The following MAPK10 variants were observed in gnomAD, a reference collection of about 807,000 sequenced individuals.
The protein encoded by MAPK10 is mitogen-activated protein kinase 10.
A neutral mutation model predicts 59.3 loss-of-function variants in MAPK10; 25 were observed. The ratio of observed to expected loss-of-function variants is 0.42; its 90% confidence interval spans 0.31 to 0.59. The LOEUF is 0.59. Ranked by LOEUF, MAPK10 falls within the 20% of genes least tolerant of loss-of-function variation. The pLI is 0.15. For synonymous variants in MAPK10, 190 were observed against 200.5 expected (o/e 0.95, Z 0.44); for missense variants, 351 against 568.9 (o/e 0.62, Z 3.90).
intron 1 of MAPK10, among the ~76,000 whole-genome samples, chr4:86,433,426 A>G (rs1281673823): frequency 6.6e-6 from 1 of 152,104 alleles, no homozygotes; most frequent in Admixed American, 6.6e-5. Flanking sequence ...GGTGCAATTA[A>G]TACTCTAGAA....
chr4:86,163,849 G>T (rs964566734), intron 3 of MAPK10, among the ~76,000 whole-genome samples: 1 of 152,114 alleles, frequency 6.6e-6, no homozygotes, highest in African/African-American at 2.4e-5. Context: ...TGTCATAAAA[G>T]ACTCTCCTTG....
chr4:86,346,723 A>G (rs1728423316), intron 2 of MAPK10, among the ~76,000 whole-genome samples: 1 of 110,068 alleles, frequency 9.1e-6, no homozygotes, highest in African/African-American at 3.1e-5. Context: ...TTTTAACCCA[A>G]GTTTGTTTGG....
Position 86,438,191 on chromosome 4 carries a change from T to C in MAPK10, c.-122+14839A>G, listed in dbSNP as rs1434779059. Among the ~76,000 whole-genome samples, 6 of 152,320 alleles carry C rather than the reference T, an allele frequency of 3.9e-5. No individual in the cohort carries two copies. In the East Asian group the frequency reaches 1.2e-3, roughly 29 times the overall value. On this transcript the variant is annotated intron_variant, in intron 1 of 13. Transcript: ENST00000361569. ...GGGTGGCAATTTCGCTTACTGAAAA[T>C]TTATACAGCCATGTGCTTACATTTA...
intron 2 of MAPK10, among the ~76,000 whole-genome samples, chr4:86,195,990 G>T (rs1295889132): frequency 6.6e-6 from 1 of 152,124 alleles, no homozygotes; most frequent in Non-Finnish European, 1.5e-5. Flanking sequence ...TGGGTTGGTT[G>T]CAAGTCTTTG....
At chr4:86,022,739 C>T (rs12642872) in intron 13 of MAPK10, among the ~76,000 whole-genome samples, 4,746 of 152,200 alleles carry the variant, frequency 0.031, 210 homozygotes, top group East Asian at 0.1. Context: ...AAACTCCTGG[C>T]CTCAAGTGAT....
rs900526307 is a variant in MAPK10, at chr4:86,010,759, G to C, written c.*6469C>G. 3 of 152,166 alleles carry C rather than the reference G, an allele frequency of 2.0e-5. No individual in the cohort carries two copies. The highest frequency in any genetic ancestry group is 2.9e-5 in the Non-Finnish European group (2 of 68,036). 9.4% of individuals were successfully genotyped at this position (152,166 alleles called of 1,614,324 possible). The stretch of plus-strand genomic sequence containing the variant: ...TTGTTCATAGGCAATATTTTCACCA[G>C]GATGGGTTCACAAGTGTTAATGGAA... On this transcript the variant is annotated 3_prime_UTR_variant, in exon 14 of 14. Coordinates refer to ENST00000641462, the MANE Select transcript of MAPK10 (RefSeq NM_138982.4).
chr4:86,354,705 A>G (rs1733511281), intron 1 of MAPK10, 61 bp from the exon 2 acceptor site: 1 of 683,408 alleles, frequency 1.5e-6, no homozygotes. Context: ...GTATTTAGAA[A>G]ACCAAAAAGC....
chr4:86,458,389 G>A (rs953655530), intron 1 of MAPK10, among the ~76,000 whole-genome samples: 2 of 152,004 alleles, frequency 1.3e-5, no homozygotes, highest in African/African-American at 4.8e-5. Context: ...TTGAACCCAG[G>A]AGGCAAGGGT....
At chr4:86,463,033 GA>G (rs1456896731) in intron 1 of MAPK10, among the ~76,000 whole-genome samples, 1 of 152,132 alleles carries the variant, frequency 6.6e-6, no homozygotes, top group African/African-American at 2.4e-5. Context: ...GACTTTGAAG[GA>G]ATTAGTTAAT....
chr4:86,327,162 G>A (rs1448052160), intron 2 of MAPK10: 1 of 147,554 alleles, frequency 6.8e-6, no homozygotes, highest in African/African-American at 2.5e-5. Flanking sequence ...TTTGGATAGA[G>A]AGAGGACTCA....
chr4:86,590,674 T>C (rs1035854437), intron 1 of MAPK10, among the ~76,000 whole-genome samples: 3 of 152,012 alleles, frequency 2.0e-5, no homozygotes, highest in Non-Finnish European at 2.9e-5. Context: ...TAGTCCTAGC[T>C]ACTTGGGAGG....
intron 4 of MAPK10, among the ~76,000 whole-genome samples, chr4:86,134,657 A>C (rs2061567443): frequency 6.6e-6 from 1 of 152,226 alleles, no homozygotes; most frequent in Non-Finnish European, 1.5e-5. Context: ...TGTCATTCAA[A>C]TTAAAGTAAA....
At chr4:86,173,175 C>A (rs1329009960) in intron 3 of MAPK10, among the ~76,000 whole-genome samples, 1 of 152,042 alleles carries the variant, frequency 6.6e-6, no homozygotes, top group Non-Finnish European at 1.5e-5. Flanking sequence ...CAATCCTAAG[C>A]AAAGAGAACA....
At chr4:86,334,778 GTC>G (rs1342387182) in intron 2 of MAPK10, among the ~76,000 whole-genome samples, 2 of 151,546 alleles carry the variant, frequency 1.3e-5, no homozygotes, top group African/African-American at 4.9e-5. Flanking sequence ...ACTAACTGCA[GTC>G]TCCTGAAAAT....
chr4:86,105,043 C>T (rs2056287072), intron 5 of MAPK10, among the ~76,000 whole-genome samples: 1 of 152,044 alleles, frequency 6.6e-6, no homozygotes, highest in Admixed American at 6.6e-5. Flanking sequence ...TGTCAGGCCC[C>T]ACTAGTTCCT....
At chr4:86,122,947 A>T (rs2059498965) in intron 4 of MAPK10, among the ~76,000 whole-genome samples, 1 of 152,000 alleles carries the variant, frequency 6.6e-6, no homozygotes, top group Non-Finnish European at 1.5e-5. Flanking sequence ...TGCAGAATTT[A>T]TGTGGTTCTG....
At chr4:86,436,924 G>A (rs1353646080) in intron 1 of MAPK10, among the ~76,000 whole-genome samples, 16 of 152,046 alleles carry the variant, frequency 1.1e-4, no homozygotes, top group Admixed American at 1.0e-3. Context: ...CATTAAAAAT[G>A]ATGTTTGGCC....
intron 1 of MAPK10, among the ~76,000 whole-genome samples, chr4:86,429,119 T>C (rs1275023752): frequency 6.6e-6 from 1 of 152,174 alleles, no homozygotes; most frequent in East Asian, 1.9e-4. Flanking sequence ...CTTTCTTTCT[T>C]TTTTGGAAGA....
chr4:86,206,508 G>T (rs190211359), intron 2 of MAPK10, among the ~76,000 whole-genome samples: 1 of 151,962 alleles, frequency 6.6e-6, no homozygotes, highest in Non-Finnish European at 1.5e-5. Flanking sequence ...ATAAACATAC[G>T]TGTGCATGTG....
Sources: gnomAD v4.1 joint callset for allele counts (sites outside exome capture counted in the v4.1 genomes callset) on GRCh38, gnomAD v4.1.1 for gene constraint, MANE v1.5 for transcripts, NCBI Gene and HGNC (gene_info 2026-07-23, HGNC 2026-07-21) for gene names.